Variants in EPB41L5 observed in about 807,000 individuals in gnomAD.
EPB41L5 encodes band 4.1-like protein 5.
A neutral mutation model predicts 106.6 loss-of-function variants in EPB41L5; 55 were observed. That is an observed-to-expected ratio of 0.52 (90% CI 0.42 to 0.65). EPB41L5 has a LOEUF of 0.65. EPB41L5 is among the 30% of genes least tolerant of loss of function. EPB41L5 has a pLI of 0.00. For synonymous variants in EPB41L5, 297 were observed against 306.7 expected, an observed-to-expected ratio of 0.97 and a Z score of 0.33; for missense variants, 871 against 882.1, an observed-to-expected ratio of 0.99 and a Z score of 0.16.
In EPB41L5 at chr2:120,040,267, A is replaced by G. The variant is rs143972481; in HGVS notation, c.181-1739A>G. ...ATAGAATACAATATGATTAAGAAAA[A>G]CTCACACTTGTACACAGTACAGTGA... On this transcript the variant is annotated intron_variant, in intron 2 of 24. Transcript: ENST00000263713. 9.9e-4 allele frequency among the ~76,000 whole-genome samples: 150 copies of G among 152,248 alleles called. 1 individual carries two copies. The highest frequency in any genetic ancestry group is 3.4e-3 in the African/African-American group (143 of 41,560).
intron 16 of EPB41L5, among the ~76,000 whole-genome samples, chr2:120,122,523 C>G (rs1685267358): frequency 6.6e-6 from 1 of 152,126 alleles, no homozygotes; most frequent in Admixed American, 6.5e-5. Flanking sequence ...CTGTTCTGTT[C>G]CATTGATCTA....
At chr2:120,131,564 A>T in intron 17 of EPB41L5, 54 bp from the exon 18 acceptor site, 1 of 1,252,636 alleles carries the variant, frequency 8.0e-7, no homozygotes, top group Non-Finnish European at 1.2e-6. Context: ...TCACACAGCT[A>T]GCTGTGACAG....
chr2:120,120,925 G>A (rs1014662200), intron 16 of EPB41L5, among the ~76,000 whole-genome samples: 1 of 152,176 alleles, frequency 6.6e-6, no homozygotes, highest in Non-Finnish European at 1.5e-5. Flanking sequence ...AGACCAGCCC[G>A]GCCAACATGG....
intron 2 of EPB41L5, among the ~76,000 whole-genome samples, chr2:120,033,800 T>G (rs1678873380): frequency 6.6e-6 from 1 of 151,576 alleles, no homozygotes; most frequent in South Asian, 2.1e-4. Context: ...CTAAAATAGA[T>G]TGTGCATTGT....
rs750497385 is a variant in EPB41L5, at chr2:120,146,206, T to C, written c.1729-19T>C. ...ATCCTCAATAAAGATTTACTTTTTT[T>C]AATATTTCATTTTCTTAGGTTACAA... On this transcript the variant is annotated intron_variant, in intron 19 of 24. Coordinates refer to ENST00000263713, the MANE Select transcript of EPB41L5 (RefSeq NM_020909.4). The C allele has an allele frequency of 1.4e-6, 2 of 1,476,408 alleles. No homozygotes were observed. Among genetic ancestry groups the C allele is most frequent in the African/African-American group, 2.8e-5 (2 of 71,230 alleles). The allele number at this position is 1,476,408 out of a possible 1,614,324, so 91.5% of individuals were successfully genotyped here.
rs1574684760 is a variant in EPB41L5, at chr2:120,107,583, C to T, written c.1337+6769C>T. ...GGTGGGGAAACAACTTTCTCTCCTTCCTTCTCCATGCCAGCCTCTTCCCCT... is the reference window on the plus strand; with the variant it reads ...GGTGGGGAAACAACTTTCTCTCCTTTCTTCTCCATGCCAGCCTCTTCCCCT... On this transcript the variant is annotated intron_variant, in intron 16 of 24. Coordinates refer to ENST00000263713, the MANE Select transcript of EPB41L5 (RefSeq NM_020909.4). Among the ~76,000 whole-genome samples the T allele has an allele frequency of 2.0e-5, 3 of 152,164 alleles. No individual in the cohort carries two copies. In the Middle Eastern group the frequency reaches 0.01, roughly 518 times the overall value.
rs183738726 is a variant in EPB41L5, at chr2:120,021,382, C to T, written c.180+2118C>T. 6.6e-5 allele frequency among the ~76,000 whole-genome samples: 10 copies of T among 151,774 alleles called. No homozygotes were observed. The East Asian group carries it at 1.4e-3, about 21-fold the overall frequency. Reference sequence around the variant, plus strand: ...CAATTGGGCCAGGTGCAGTGGCTCACGCCGGTAATCGCAGCACTTTGGGAG... The same window carrying T: ...CAATTGGGCCAGGTGCAGTGGCTCATGCCGGTAATCGCAGCACTTTGGGAG... On this transcript the variant is annotated intron_variant, in intron 2 of 24. Coordinates refer to ENST00000263713, the MANE Select transcript of EPB41L5 (RefSeq NM_020909.4).
intron 3 of EPB41L5, among the ~76,000 whole-genome samples, chr2:120,043,625 A>C (rs6542562): frequency 0.69 from 105,418 of 151,750 alleles, 37,963 homozygotes; most frequent in Non-Finnish European, 0.79. Flanking sequence ...CTAGTTCCAG[A>C]TAGCTGGGAG....
intron 16 of EPB41L5, chr2:120,104,833 A>G: frequency 1.0e-6 from 1 of 957,784 alleles, no homozygotes; most frequent in Non-Finnish European, 1.2e-6. Flanking sequence ...AAAGATTTAG[A>G]GATCACATTA....
At chr2:120,062,889 A>G (rs999723863) in intron 3 of EPB41L5, among the ~76,000 whole-genome samples, 2 of 152,178 alleles carry the variant, frequency 1.3e-5, no homozygotes, top group African/African-American at 4.8e-5. Flanking sequence ...CTGTTTAAAA[A>G]TAGTGATGAG....
At chr2:120,125,035 A>G (rs992814723) in intron 16 of EPB41L5, among the ~76,000 whole-genome samples, 2 of 152,164 alleles carry the variant, frequency 1.3e-5, no homozygotes, top group African/African-American at 4.8e-5. Context: ...TTTAGCATTC[A>G]TTGATAATTT....
chr2:120,087,125 GA>G lies in EPB41L5; in HGVS notation c.804-44del, dbSNP rs1338625033. Reference sequence around the variant, plus strand: ...AAAAACAATTTTTTTCATATTTAGAGAACATTTGTTTGTAATTTGGCTTTTA... The same window carrying G: ...AAAAACAATTTTTTTCATATTTAGAGACATTTGTTTGTAATTTGGCTTTTA... On this transcript the variant is annotated intron_variant, in intron 10 of 24. Transcript: ENST00000263713. 2.6e-6 allele frequency: 3 copies of G among 1,174,882 alleles called. No individual in the cohort carries two copies. In the African/African-American group the frequency reaches 4.6e-5, roughly 18 times the overall value. The allele number at this position is 1,174,882 out of a possible 1,614,324, so 72.8% of individuals were successfully genotyped here.
chr2:120,045,349 A>G (rs192617800), intron 3 of EPB41L5, among the ~76,000 whole-genome samples: 2 of 152,328 alleles, frequency 1.3e-5, no homozygotes, highest in East Asian at 3.9e-4. Context: ...GTTCATGTAC[A>G]CATATTTAAT....
At chr2:120,040,076 TATATATATATAC>T (rs1679306134) in intron 2 of EPB41L5, among the ~76,000 whole-genome samples, 1 of 147,090 alleles carries the variant, frequency 6.8e-6, no homozygotes, top group East Asian at 2.0e-4. Context: ...GCTTTTTATA[TATATATATATAC>T]GTATTTAAAT....
chr2:120,105,860 C>T, intron 16 of EPB41L5: 4 of 985,156 alleles, frequency 4.1e-6, no homozygotes, highest in Non-Finnish European at 4.8e-6. Flanking sequence ...ATTTTAAGCA[C>T]AGAAGCTCTG....
intron 2 of EPB41L5, among the ~76,000 whole-genome samples, chr2:120,036,325 GA>G (rs1679036789): frequency 6.6e-6 from 1 of 152,156 alleles, no homozygotes. Flanking sequence ...TTGTATAATG[GA>G]AAGTGATTAA....
At chr2:120,017,275 TA>T (rs1347953990) in intron 1 of EPB41L5, among the ~76,000 whole-genome samples, 1 of 152,248 alleles carries the variant, frequency 6.6e-6, no homozygotes, top group African/African-American at 2.4e-5. Flanking sequence ...CATGAGGAAT[TA>T]GCTCTTTCCA....
chr2:120,133,220 C>G (rs553885789), intron 18 of EPB41L5, among the ~76,000 whole-genome samples: 2 of 152,240 alleles, frequency 1.3e-5, no homozygotes, highest in South Asian at 4.2e-4. Flanking sequence ...ATATAACCCT[C>G]CAGTGATCAT....
chr2:120,128,046 A>G, intron 17 of EPB41L5, 195 bp downstream of exon 17: 1 of 419,756 alleles, frequency 2.4e-6, no homozygotes, highest in Non-Finnish European at 4.1e-6. Context: ...GAGGTCATTA[A>G]ACTTGTGTGT....
Sources: gnomAD v4.1 joint callset for allele counts (sites outside exome capture counted in the v4.1 genomes callset) on GRCh38, gnomAD v4.1.1 for gene constraint, MANE v1.5 for transcripts, NCBI Gene and HGNC (gene_info 2026-07-23, HGNC 2026-07-21) for gene names.